NCOA7: variants seen among roughly 807,000 people sequenced by gnomAD.
NCOA7 encodes the protein nuclear receptor coactivator 7.
A neutral mutation model predicts 104.3 loss-of-function variants in NCOA7; 45 were observed. The observed-to-expected ratio is 0.43, with a 90% CI of 0.34 to 0.55. The LOEUF is 0.55. NCOA7 is among the 20% of genes least tolerant of loss of function. The pLI is 0.02. For synonymous variants in NCOA7, 398 were observed against 402.3 expected (o/e 0.99, Z 0.13); for missense variants, 1,041 against 1,119.7 (o/e 0.93, Z 1.00).
intron 10 of NCOA7, among the ~76,000 whole-genome samples, chr6:125,892,329 T>C (rs1431727665): frequency 6.6e-6 from 1 of 152,224 alleles, no homozygotes; most frequent in Non-Finnish European, 1.5e-5. Context: ...ACTGTCATTT[T>C]TAACCCAGAA....
At chr6:125,850,458 G>T (rs1011679012) in intron 2 of NCOA7, among the ~76,000 whole-genome samples, 1 of 151,106 alleles carries the variant, frequency 6.6e-6, no homozygotes, top group African/African-American at 2.5e-5. Context: ...ATAATAGTCT[G>T]TGTAGAAAAG....
rs9375413 is a variant in NCOA7 at position 125,823,651 on chromosome 6, A to G, written c.50+8247A>G. ...TTCAGGAAATCATTAACTTTTTCCT[A>G]AAGATTAAAAAAAGGCTTATAAACA... On this transcript the variant is annotated intron_variant, in intron 2 of 15. Transcript: ENST00000392477. Among the ~76,000 whole-genome samples the G allele has an allele frequency of 3.9e-3, 599 of 152,342 alleles. 11 individuals carry two copies. Among genetic ancestry groups the G allele is most frequent in the Admixed American group, 0.031 (474 of 15,304 alleles).
At chr6:125,870,113 T>C (rs1216803624) in intron 3 of NCOA7, among the ~76,000 whole-genome samples, 1 of 152,220 alleles carries the variant, frequency 6.6e-6, no homozygotes, top group African/African-American at 2.4e-5. Context: ...TTATGTGGCC[T>C]GTTACCCCGG....
At chr6:125,866,137 G>A (rs375025197) in intron 3 of NCOA7, among the ~76,000 whole-genome samples, 4 of 104,842 alleles carry the variant, frequency 3.8e-5, no homozygotes, top group Non-Finnish European at 7.8e-5. Flanking sequence ...TGAGACCAGC[G>A]TGACCAACAT....
intron 1 of NCOA7, among the ~76,000 whole-genome samples, chr6:125,812,501 C>A (rs1232138137): frequency 6.6e-6 from 1 of 152,210 alleles, no homozygotes; most frequent in Non-Finnish European, 1.5e-5. Context: ...ACTGTGTACT[C>A]CCATGTTTCT....
chr6:125,828,163 G>A (rs7758059), intron 2 of NCOA7, among the ~76,000 whole-genome samples: 3,609 of 152,262 alleles, frequency 0.024, 138 homozygotes, highest in African/African-American at 0.08. Context: ...CTAAAGAATG[G>A]GAACAGAATT....
intron 10 of NCOA7, among the ~76,000 whole-genome samples, chr6:125,905,894 G>A (rs188851019): frequency 2.0e-5 from 3 of 152,216 alleles, no homozygotes; most frequent in Non-Finnish European, 4.4e-5. Flanking sequence ...TCCGCCTCCT[G>A]GGTTCAAGAA....
intron 8 of NCOA7, 69 bp from the exon 9 acceptor site, chr6:125,888,870 C>G: frequency 2.4e-6 from 3 of 1,247,110 alleles, no homozygotes; most frequent in Non-Finnish European, 3.3e-6. Context: ...TGTTTTTTGC[C>G]TTTCCTCCAT....
At chr6:125,813,486 T>C (rs1015281599) in intron 1 of NCOA7, among the ~76,000 whole-genome samples, 2 of 151,674 alleles carry the variant, frequency 1.3e-5, no homozygotes, top group Admixed American at 6.6e-5. Context: ...AGTTTTGCTC[T>C]TGTTGCCCAG....
chr6:125,890,602 T>C, intron 9 of NCOA7, 40 bp from the exon 10 acceptor site: 1 of 1,559,456 alleles, frequency 6.4e-7, no homozygotes, highest in Non-Finnish European at 8.7e-7. Context: ...ATTACCAATA[T>C]TGTCAATATT....
In NCOA7 at chr6:125,862,002, ACTC is replaced by A. The variant is rs1279725190; in HGVS notation, c.271+6764_271+6766del. Among the ~76,000 whole-genome samples, 4 of 115,940 alleles carry A rather than the reference ACTC, an allele frequency of 3.5e-5. 1 individual carries two copies. The highest frequency in any genetic ancestry group is 6.7e-5 in the Non-Finnish European group (4 of 59,980). 76.1% of individuals were successfully genotyped at this position (115,940 alleles called of 152,430 possible). Reference sequence around the variant, plus strand: ...CAGTGAGCCGAGATTCCACCATTGCACTCCAGCCTGGGCAACAAGAGTGAAACT... The same window carrying A: ...CAGTGAGCCGAGATTCCACCATTGCACAGCCTGGGCAACAAGAGTGAAACT... On this transcript the variant is annotated intron_variant, in intron 3 of 15. Transcript: ENST00000392477.
In NCOA7 at chr6:125,795,034, GCTC is replaced by G. The variant is rs566933688; in HGVS notation, c.-65+3970_-65+3972del. 4.4e-3 allele frequency among the ~76,000 whole-genome samples: 674 copies of G among 152,278 alleles called. 5 individuals are homozygous for G. Among genetic ancestry groups the G allele is most frequent in the South Asian group, 0.018 (89 of 4,824 alleles). On this transcript the variant is annotated intron_variant, in intron 1 of 15. Transcript: ENST00000392477. ...TTTACCATGAAATTTAAAAGATTGA[GCTC>G]CTGGAGTTAATTCTTCATACTGATG...
chr6:125,846,061 A>G (rs1181163814), intron 2 of NCOA7, among the ~76,000 whole-genome samples: 1 of 152,160 alleles, frequency 6.6e-6, no homozygotes, highest in African/African-American at 2.4e-5. Flanking sequence ...GTCTGTTCTC[A>G]TGGCTGGTCA....
intron 2 of NCOA7, among the ~76,000 whole-genome samples, chr6:125,839,264 C>T (rs1373044125): frequency 6.6e-6 from 1 of 152,086 alleles, no homozygotes; most frequent in Non-Finnish European, 1.5e-5. Context: ...ACTGCAGGTG[C>T]ATGCCACCAC....
intron 3 of NCOA7, among the ~76,000 whole-genome samples, chr6:125,867,250 T>A (rs1782511255): frequency 6.6e-6 from 1 of 152,262 alleles, no homozygotes; most frequent in African/African-American, 2.4e-5. Context: ...TATTGGTTCT[T>A]TACACAGACA....
rs1788478062 is a variant in NCOA7 at position 125,931,854 on chromosome 6, G to A, written c.*3083G>A. On this transcript the variant is annotated 3_prime_UTR_variant, in exon 16 of 16. Coordinates refer to ENST00000392477, the MANE Select transcript of NCOA7 (RefSeq NM_181782.5). ...TCCCCCATGCTGTTCTCATGATAGT[G>A]AGGGAGTTTTCATGAGATCTGTTTT... 1 of 152,116 alleles carries A rather than the reference G, an allele frequency of 6.6e-6. No homozygotes were observed. Among genetic ancestry groups the A allele is most frequent in the Non-Finnish European group, 1.5e-5 (1 of 68,020 alleles). The allele number at this position is 152,116 out of a possible 1,614,324, so 9.4% of individuals were successfully genotyped here.
At chr6:125,831,537 A>G (rs1779185298) in intron 2 of NCOA7, among the ~76,000 whole-genome samples, 1 of 150,302 alleles carries the variant, frequency 6.7e-6, no homozygotes, top group Non-Finnish European at 1.5e-5. Flanking sequence ...TTTTGAGATT[A>G]CTGGTAATGG....
intron 1 of NCOA7, among the ~76,000 whole-genome samples, chr6:125,795,497 C>T (rs772265008): frequency 2.0e-5 from 3 of 152,156 alleles, no homozygotes; most frequent in Admixed American, 6.5e-5. Context: ...ACATTTTATG[C>T]ATATGCAAGC....
intron 1 of NCOA7, among the ~76,000 whole-genome samples, chr6:125,791,858 T>A (rs905226991): frequency 7.2e-5 from 11 of 152,286 alleles, no homozygotes; most frequent in African/African-American, 2.6e-4. Flanking sequence ...GTATTAATGC[T>A]TTTTTTCTCC....
Sources: allele counts gnomAD v4.1 joint callset (sites outside exome capture counted in the v4.1 genomes callset), GRCh38; gene constraint gnomAD v4.1.1; transcripts MANE v1.5; gene names NCBI Gene and HGNC (gene_info 2026-07-23, HGNC 2026-07-21).